The following ARID4B variants were observed in gnomAD, a reference collection of about 807,000 sequenced individuals.
ARID4B encodes the protein AT-rich interactive domain-containing protein 4B.
In ARID4B, 26 loss-of-function variants were observed where a neutral mutation model predicts 147.5. The ratio of observed to expected loss-of-function variants is 0.18; its 90% CI spans 0.13 to 0.24. ARID4B has a LOEUF of 0.24. Among genes scored for constraint, ARID4B ranks in the 10% least tolerant of loss-of-function variants. The pLI is 1.00. For missense variants in ARID4B, 1,179 were observed against 1,511.5 expected (o/e 0.78, Z 3.65); for synonymous variants, 512 against 507.9 (o/e 1.01, Z -0.11).
intron 8 of ARID4B, among the ~76,000 whole-genome samples, chr1:235,238,153 A>AAAAG (rs1553300440): frequency 2.1e-5 from 3 of 141,764 alleles, no homozygotes; most frequent in Admixed American, 7.0e-5. Flanking sequence ...CAAAAAAAAA[A>AAAAG]AAAAGAAAAG....
In ARID4B at chr1:235,256,957, C is replaced by A. The variant is rs555281198; in HGVS notation, c.183+203G>T. 1.5e-4 allele frequency among the ~76,000 whole-genome samples: 23 copies of A among 152,202 alleles called. No homozygotes were observed. In the South Asian group the frequency reaches 4.6e-3, roughly 30 times the overall value. On this transcript the variant is annotated intron_variant, in intron 4 of 23. Transcript: ENST00000264183. ...TGTACACAATCATAACTTATTGCAA[C>A]CTTGAACTCCTGGCCTCAAGCTATC...
intron 2 of ARID4B, among the ~76,000 whole-genome samples, chr1:235,319,290 G>A (rs1405872756): frequency 6.6e-6 from 1 of 152,220 alleles, no homozygotes; most frequent in Non-Finnish European, 1.5e-5. Context: ...GCCAAGATGG[G>A]AGGATCATTT....
chr1:235,241,495 C>T (rs1668976622), intron 7 of ARID4B, among the ~76,000 whole-genome samples: 1 of 150,392 alleles, frequency 6.6e-6, no homozygotes, highest in African/African-American at 2.5e-5. Context: ...TTATATATTC[C>T]AATATAAATG....
intron 2 of ARID4B, among the ~76,000 whole-genome samples, chr1:235,288,774 A>G (rs1672144463): frequency 6.6e-6 from 1 of 152,208 alleles, no homozygotes; most frequent in African/African-American, 2.4e-5. Flanking sequence ...TTATTTTAAG[A>G]CATAACCCAA....
intron 2 of ARID4B, among the ~76,000 whole-genome samples, chr1:235,318,845 C>T (rs1223444195): frequency 6.6e-6 from 1 of 152,000 alleles, no homozygotes; most frequent in African/African-American, 2.4e-5. Flanking sequence ...CGAGCCACTG[C>T]ACTCCAGCCT....
At chr1:235,176,109 T>C (rs1663848588) in intron 21 of ARID4B, among the ~76,000 whole-genome samples, 2 of 152,084 alleles carry the variant, frequency 1.3e-5, no homozygotes. Context: ...ATAACCTCTT[T>C]CTGGATACAA....
At position 235,259,582 on chromosome 1, in the gene ARID4B, G is replaced by C. The variant is rs529296221; in HGVS notation, c.117+1060C>G. 2.8e-4 allele frequency among the ~76,000 whole-genome samples: 42 copies of C among 152,302 alleles called. 1 individual carries two copies. The South Asian group carries it at 8.3e-3, about 30-fold the overall frequency. ...TGCTTGGGGAATACCAGTGTGTGAA[G>C]CCAGAACAGGAAATGCACACTATAA... On this transcript the variant is annotated intron_variant, in intron 3 of 23. Coordinates refer to ENST00000264183, the MANE Select transcript of ARID4B (RefSeq NM_016374.6).
chr1:235,204,228 A>G (rs1403107615), intron 17 of ARID4B, among the ~76,000 whole-genome samples: 1 of 152,166 alleles, frequency 6.6e-6, no homozygotes, highest in Non-Finnish European at 1.5e-5. Context: ...AGGCTGAGGC[A>G]GGAGAATTGC....
chr1:235,169,149 A>G (rs1663140681), intron 23 of ARID4B, among the ~76,000 whole-genome samples: 3 of 152,132 alleles, frequency 2.0e-5, no homozygotes. Context: ...CAACTGTTGC[A>G]TTCTCCGCCA....
intron 14 of ARID4B, among the ~76,000 whole-genome samples, 199 bp from the exon 15 acceptor site, chr1:235,220,744 C>T (rs1444419645): frequency 1.3e-5 from 2 of 152,108 alleles, no homozygotes; most frequent in African/African-American, 4.8e-5. Flanking sequence ...AAACACTGTG[C>T]TCAGAGTCAT....
chr1:235,203,177 C>G (rs1217740336), intron 17 of ARID4B, among the ~76,000 whole-genome samples: 1 of 152,192 alleles, frequency 6.6e-6, no homozygotes, highest in Admixed American at 6.5e-5. Flanking sequence ...CATACTTGCT[C>G]TCACCACAGA....
chr1:235,302,167 A>C (rs1316242792), intron 2 of ARID4B, among the ~76,000 whole-genome samples: 2 of 146,402 alleles, frequency 1.4e-5, no homozygotes, highest in Non-Finnish European at 3.0e-5. Flanking sequence ...AAAAAAAAAA[A>C]AAAAAAAAAA....
chr1:235,232,354 A>C (rs998010797), intron 9 of ARID4B, among the ~76,000 whole-genome samples: 3 of 152,086 alleles, frequency 2.0e-5, no homozygotes, highest in Non-Finnish European at 4.4e-5. Flanking sequence ...TGGGAGGCGG[A>C]GGTTGCAGTG....
At chr1:235,223,688 T>G (rs1667650983) in intron 12 of ARID4B, among the ~76,000 whole-genome samples, 2 of 149,612 alleles carry the variant, frequency 1.3e-5, no homozygotes, top group Admixed American at 6.7e-5. Context: ...AAGCTACATT[T>G]TTTTTTTTTT....
intron 2 of ARID4B, among the ~76,000 whole-genome samples, chr1:235,272,739 A>G (rs1049683915): frequency 3.7e-5 from 5 of 134,458 alleles, no homozygotes; most frequent in Non-Finnish European, 8.5e-5. Context: ...ATTACATATT[A>G]AATACATACA....
At chr1:235,314,381 T>C (rs944552138) in intron 2 of ARID4B, among the ~76,000 whole-genome samples, 1 of 152,212 alleles carries the variant, frequency 6.6e-6, no homozygotes, top group Non-Finnish European at 1.5e-5. Context: ...GTAGCTGTTA[T>C]TATTCTCATT....
At chr1:235,311,661 C>T (rs1366054697) in intron 2 of ARID4B, among the ~76,000 whole-genome samples, 1 of 151,772 alleles carries the variant, frequency 6.6e-6, no homozygotes, top group Non-Finnish European at 1.5e-5. Flanking sequence ...GTAGTCCCAG[C>T]TACTTGGGAG....
In ARID4B at chr1:235,221,630, G is replaced by A; in HGVS notation, c.1098C>T (p.Tyr366=). The change falls in exon 14 of 24, where the codon TAC becomes TAT. Residue 366 remains tyrosine (Y), a synonymous_variant. Coordinates refer to ENST00000264183, the MANE Select transcript of ARID4B (RefSeq NM_016374.6). ...TTAAGACAGGGATTCCAAGATCTTG[G>A]TAGACTTGTTTCCAAACAGCTCCAC... ...IESGAVWKQV[Y]QDLGIPVLNS... 1.2e-6 allele frequency: 2 copies of A among 1,611,386 alleles called. No individual in the cohort carries two copies. The highest frequency in any genetic ancestry group is 1.1e-5 in the South Asian group (1 of 90,768).
intron 2 of ARID4B, among the ~76,000 whole-genome samples, chr1:235,318,976 A>T (rs775202024): frequency 1.3e-5 from 2 of 152,120 alleles, no homozygotes; most frequent in Non-Finnish European, 2.9e-5. Context: ...GGGAATTTGG[A>T]AATGTTCTGG....
Sources: gnomAD v4.1 joint callset for allele counts (sites outside exome capture counted in the v4.1 genomes callset) on GRCh38, gnomAD v4.1.1 for gene constraint, MANE v1.5 for transcripts, NCBI Gene and HGNC (gene_info 2026-07-23, HGNC 2026-07-21) for gene names.